CPPED1: variants seen among roughly 807,000 people sequenced by gnomAD.
CPPED1 encodes the protein serine/threonine-protein phosphatase CPPED1.
In CPPED1, 28 loss-of-function variants were observed where a neutral mutation model predicts 28.0. The ratio of observed to expected loss-of-function variants is 1.00; its 90% CI spans 0.74 to 1.37. The LOEUF is 1.37. Among genes scored for constraint, CPPED1 ranks in the 40% most tolerant of loss-of-function variants. CPPED1 has a pLI of 0.00. For synonymous variants in CPPED1, 198 were observed against 180.2 expected (o/e 1.10, Z -0.79); for missense variants, 504 against 416.5 (o/e 1.21, Z -1.83).
rs1174660692 is a variant in CPPED1, at chr16:12,714,946, C to T, written c.290-9897G>A. On this transcript the variant is annotated intron_variant, in intron 2 of 3. Transcript: ENST00000381774. ...TTTTAGCTCTTCTTTGGGCTTTGAT[C>T]CATTTTGAGTTCATTTTTTTTTTTA... Among the ~76,000 whole-genome samples the T allele has an allele frequency of 3.7e-5, 5 of 135,384 alleles. No individual in the cohort carries two copies. In the Admixed American group the frequency reaches 4.2e-4, roughly 11 times the overall value. 88.8% of individuals were successfully genotyped at this position (135,384 alleles called of 152,430 possible).
At chr16:12,794,275 G>T (rs2080613684) in intron 1 of CPPED1, among the ~76,000 whole-genome samples, 1 of 152,106 alleles carries the variant, frequency 6.6e-6, no homozygotes, top group Admixed American at 6.6e-5. Flanking sequence ...TGATTGTGAT[G>T]GTTGTACACC....
chr16:12,780,062 G>T (rs958844401), intron 2 of CPPED1, among the ~76,000 whole-genome samples: 1 of 152,078 alleles, frequency 6.6e-6, no homozygotes, highest in Non-Finnish European at 1.5e-5. Flanking sequence ...CACTTTTTTC[G>T]GGGGAGACTG....
intron 2 of CPPED1, among the ~76,000 whole-genome samples, chr16:12,707,247 A>ACGT (rs1555485756): frequency 5.9e-5 from 9 of 151,972 alleles, no homozygotes; most frequent in Non-Finnish European, 7.4e-5. Context: ...CGCCCCTCTC[A>ACGT]CTTCTTCTTC....
intron 2 of CPPED1, among the ~76,000 whole-genome samples, chr16:12,766,340 T>C (rs2080439405): frequency 6.6e-6 from 1 of 151,502 alleles, no homozygotes; most frequent in South Asian, 2.1e-4. Flanking sequence ...ATTTTTGTGC[T>C]GCTGATAAAG....
At chr16:12,763,864 TCTGCCATTGAAAGTAATGGCAAAA>T (rs1265776082) in intron 2 of CPPED1, among the ~76,000 whole-genome samples, 20 of 152,292 alleles carry the variant, frequency 1.3e-4, no homozygotes, top group East Asian at 9.6e-4. Flanking sequence ...AATTGCAGTT[TCTGCCATTGAAAGTAATGGCAAAA>T]CTGCCATTAC....
intron 2 of CPPED1, among the ~76,000 whole-genome samples, chr16:12,772,853 A>G (rs1425991785): frequency 6.6e-6 from 1 of 152,216 alleles, no homozygotes; most frequent in Non-Finnish European, 1.5e-5. Context: ...TTAGAATGGT[A>G]AGACAGGTCA....
chr16:12,765,454 G>C (rs962040560), intron 2 of CPPED1, among the ~76,000 whole-genome samples: 4 of 152,136 alleles, frequency 2.6e-5, no homozygotes, highest in Non-Finnish European at 4.4e-5. Flanking sequence ...AGATTTAACT[G>C]TCTGACATAA....
At chr16:12,690,191 A>G (rs2079955018) in intron 3 of CPPED1, among the ~76,000 whole-genome samples, 1 of 152,076 alleles carries the variant, frequency 6.6e-6, no homozygotes, top group Non-Finnish European at 1.5e-5. Context: ...GGGGGTGGGT[A>G]CAGATCCCTC....
At chr16:12,713,479 C>T (rs1484008004) in intron 2 of CPPED1, among the ~76,000 whole-genome samples, 3 of 151,910 alleles carry the variant, frequency 2.0e-5, no homozygotes, top group African/African-American at 7.3e-5. Flanking sequence ...GATTCTCCTG[C>T]CTCAACCTCC....
intron 2 of CPPED1, among the ~76,000 whole-genome samples, chr16:12,779,535 C>T (rs1180053835): frequency 6.6e-6 from 1 of 151,944 alleles, no homozygotes; most frequent in East Asian, 1.9e-4. Context: ...GTTACAGGTG[C>T]CTGCCACCAC....
At chr16:12,784,518 A>G (rs1380549119) in intron 1 of CPPED1, among the ~76,000 whole-genome samples, 1 of 151,738 alleles carries the variant, frequency 6.6e-6, no homozygotes, top group Admixed American at 6.6e-5. Context: ...CAAGAAGTAG[A>G]CAACAAGATT....
chr16:12,705,885 A>C (rs1383198626), intron 2 of CPPED1, among the ~76,000 whole-genome samples: 1 of 151,994 alleles, frequency 6.6e-6, no homozygotes, highest in African/African-American at 2.4e-5. Context: ...TGTGGTTCAA[A>C]TTTTCTGTGT....
At chr16:12,794,058 C>T (rs2080611993) in intron 1 of CPPED1, among the ~76,000 whole-genome samples, 1 of 152,088 alleles carries the variant, frequency 6.6e-6, no homozygotes, top group South Asian at 2.1e-4. Flanking sequence ...AAAAATCACA[C>T]ACCAAAGAGT....
rs528667667 is a variant in CPPED1 at position 12,662,594 on chromosome 16, T to C, written c.*2292A>G. On this transcript the variant is annotated 3_prime_UTR_variant, in exon 4 of 4. Coordinates refer to ENST00000381774, the MANE Select transcript of CPPED1 (RefSeq NM_018340.3). ...CCACACTCTATGTTCATGGGTACAC[T>C]TTATGTAGCTCCCATTTATGAGTGA... is the stretch of plus-strand genomic sequence containing the variant. 3.9e-5 allele frequency: 6 copies of C among 152,332 alleles called. No homozygotes were observed. The highest frequency in any genetic ancestry group is 1.4e-4 in the African/African-American group (6 of 41,578). 9.4% of individuals were successfully genotyped at this position (152,332 alleles called of 1,614,324 possible).
At chr16:12,671,667 G>A (rs915092605) in intron 3 of CPPED1, among the ~76,000 whole-genome samples, 4 of 152,178 alleles carry the variant, frequency 2.6e-5, no homozygotes, top group African/African-American at 9.7e-5. Flanking sequence ...GCAGCACATG[G>A]ACATTTTGGT....
intron 1 of CPPED1, among the ~76,000 whole-genome samples, chr16:12,795,816 G>C (rs1409334376): frequency 6.6e-6 from 1 of 152,172 alleles, no homozygotes; most frequent in East Asian, 1.9e-4. Flanking sequence ...AGGCGTGGTG[G>C]CTTAGGCCTG....
chr16:12,666,254 G>A (rs2079825312), intron 3 of CPPED1, among the ~76,000 whole-genome samples: 1 of 152,160 alleles, frequency 6.6e-6, no homozygotes, highest in Admixed American at 6.5e-5. Context: ...TCACAGGTAG[G>A]CTCAAAAACA....
chr16:12,680,100 C>T, intron 3 of CPPED1, among the ~76,000 whole-genome samples: 1 of 152,142 alleles, frequency 6.6e-6, no homozygotes, highest in East Asian at 1.9e-4. Flanking sequence ...ACTTACTGGT[C>T]CCATTCAGTT....
chr16:12,705,493 C>A (rs749907943), intron 2 of CPPED1, among the ~76,000 whole-genome samples: 1 of 152,210 alleles, frequency 6.6e-6, no homozygotes, highest in Non-Finnish European at 1.5e-5. Flanking sequence ...CGTGGTGGCT[C>A]ATGCCTGTAA....
Sources: allele counts gnomAD v4.1 joint callset (sites outside exome capture counted in the v4.1 genomes callset), GRCh38; gene constraint gnomAD v4.1.1; transcripts MANE v1.5; gene names NCBI Gene and HGNC (gene_info 2026-07-23, HGNC 2026-07-21).